CRYZL1: variants seen among roughly 807,000 people sequenced by gnomAD.
CRYZL1 encodes crystallin zeta like 1.
A neutral mutation model predicts 50.6 loss-of-function variants in CRYZL1; 34 were observed. That is an observed-to-expected ratio of 0.67 (90% confidence interval 0.51 to 0.89). The LOEUF is 0.89. Among genes scored for constraint, CRYZL1 ranks in the 40% least tolerant of loss-of-function variants. The pLI, the probability that CRYZL1 is intolerant of heterozygous loss-of-function variation, is 0.00. For synonymous variants in CRYZL1, 125 were observed against 134.3 expected, an observed-to-expected ratio of 0.93 and a Z score of 0.48; for missense variants, 354 against 402.3, an observed-to-expected ratio of 0.88 and a Z score of 1.03.
chr21:33,609,674 A>C (rs938342627), intron 6 of CRYZL1, among the ~76,000 whole-genome samples: 2 of 151,070 alleles, frequency 1.3e-5, no homozygotes, highest in Non-Finnish European at 2.9e-5. Flanking sequence ...GCCCATTCTT[A>C]AAGTCTTTCT....
intron 6 of CRYZL1, 98 bp from the exon 7 acceptor site, chr21:33,603,635 G>T: frequency 7.3e-7 from 1 of 1,369,338 alleles, no homozygotes; most frequent in South Asian, 1.3e-5. Flanking sequence ...CTATGGCCCT[G>T]GTCCAAGCCC....
chr21:33,617,882 G>T (rs1259283238), intron 4 of CRYZL1, among the ~76,000 whole-genome samples: 1 of 152,170 alleles, frequency 6.6e-6, no homozygotes, highest in Non-Finnish European at 1.5e-5. Context: ...TTCTTTGGAA[G>T]TAGAAATTGG....
chr21:33,605,110 T>A (rs569723716), intron 6 of CRYZL1, among the ~76,000 whole-genome samples: 4 of 152,252 alleles, frequency 2.6e-5, no homozygotes, highest in Non-Finnish European at 1.5e-5. Context: ...TCACTGGCCA[T>A]CTGGAATTCC....
intron 1 of CRYZL1, chr21:33,641,253 T>A: frequency 6.4e-7 from 1 of 1,550,588 alleles, no homozygotes; most frequent in South Asian, 1.2e-5. Context: ...ATACAGCGAA[T>A]AACTACTAAC....
intron 4 of CRYZL1, among the ~76,000 whole-genome samples, chr21:33,618,426 A>G (rs770098938): frequency 6.6e-6 from 1 of 152,316 alleles, no homozygotes; most frequent in African/African-American, 2.4e-5. Context: ...AAAAAACTCC[A>G]AATATTGTTG....
intron 6 of CRYZL1, among the ~76,000 whole-genome samples, chr21:33,609,083 C>T (rs1179667440): frequency 6.6e-6 from 1 of 152,166 alleles, no homozygotes; most frequent in Non-Finnish European, 1.5e-5. Context: ...TTTTAATTTG[C>T]ATTTCCCTAA....
intron 3 of CRYZL1, 109 bp from the exon 4 acceptor site, chr21:33,622,177 G>A: frequency 1.2e-6 from 1 of 853,442 alleles, no homozygotes; most frequent in Non-Finnish European, 1.9e-6. Flanking sequence ...GAGCAAATAT[G>A]GTTCAAGTTT....
At chr21:33,640,977 A>G (rs1436456050) in intron 1 of CRYZL1, among the ~76,000 whole-genome samples, 1 of 152,264 alleles carries the variant, frequency 6.6e-6, no homozygotes, top group Non-Finnish European at 1.5e-5. Context: ...CATATAATTA[A>G]AATTAATTTC....
chr21:33,612,790 A>G (rs1195950868), intron 6 of CRYZL1, among the ~76,000 whole-genome samples: 5 of 152,198 alleles, frequency 3.3e-5, no homozygotes, highest in Non-Finnish European at 5.9e-5. Context: ...TATTTCAGTT[A>G]AACTCAACAC....
intron 3 of CRYZL1, 146 bp from the exon 4 acceptor site, chr21:33,622,214 C>T: frequency 1.6e-6 from 1 of 644,446 alleles, no homozygotes; most frequent in Non-Finnish European, 2.7e-6. Context: ...CAAATAACTT[C>T]ACAAAATAGG....
chr21:33,638,298 C>T lies in CRYZL1; in HGVS notation c.-7+3383G>A, dbSNP rs573725470. On this transcript the variant is annotated intron_variant, in intron 1 of 12. Transcript: ENST00000381554. ...CATAATCTTGGCTCACTGCAACCTCCGCCTCCCGGCTTCAAGTGATTCTCC... is the reference window on the plus strand; with the variant it reads ...CATAATCTTGGCTCACTGCAACCTCTGCCTCCCGGCTTCAAGTGATTCTCC... Among the ~76,000 whole-genome samples the T allele has an allele frequency of 2.4e-4, 37 of 151,602 alleles. No homozygotes were observed. The South Asian group carries it at 4.2e-3, about 17-fold the overall frequency.
chr21:33,637,784 T>C lies in CRYZL1; in HGVS notation c.-7+3897A>G, dbSNP rs948066430. 1.2e-4 allele frequency among the ~76,000 whole-genome samples: 17 copies of C among 145,676 alleles called. No homozygotes were observed. In the South Asian group the frequency reaches 1.9e-3, roughly 17 times the overall value. ...ACATATATATATATATATATATATA[T>C]ATATACACACACACACACATATAAA... On this transcript the variant is annotated intron_variant, in intron 1 of 12. Coordinates refer to ENST00000381554, the MANE Select transcript of CRYZL1 (RefSeq NM_145858.3).
intron 4 of CRYZL1, among the ~76,000 whole-genome samples, chr21:33,619,780 C>G (rs1407395733): frequency 3.3e-5 from 5 of 152,162 alleles, no homozygotes; most frequent in African/African-American, 9.7e-5. Context: ...CTAGCAATAC[C>G]AAACTCTTTG....
chr21:33,636,515 T>C (rs557165225), intron 1 of CRYZL1, among the ~76,000 whole-genome samples: 113 of 152,314 alleles, frequency 7.4e-4, no homozygotes, highest in Middle Eastern at 3.4e-3. Flanking sequence ...ATGTTAGTAA[T>C]ACTATAAATT....
intron 1 of CRYZL1, among the ~76,000 whole-genome samples, chr21:33,636,088 C>T (rs2087203685): frequency 1.3e-5 from 2 of 151,956 alleles, no homozygotes; most frequent in Admixed American, 6.6e-5. Context: ...TTTACTATAC[C>T]AAAAAAGTAT....
intron 12 of CRYZL1, 85 bp downstream of exon 12, chr21:33,591,077 G>A (rs559428322): frequency 3.9e-5 from 37 of 949,134 alleles, no homozygotes; most frequent in Non-Finnish European, 1.9e-5. Context: ...CATGGCGAGA[G>A]CTAAAACAAA....
At chr21:33,608,348 G>A (rs766136283) in intron 6 of CRYZL1, among the ~76,000 whole-genome samples, 2 of 152,086 alleles carry the variant, frequency 1.3e-5, no homozygotes, top group African/African-American at 2.4e-5. Flanking sequence ...CCAGCTACTC[G>A]GGAGGCTGAG....
chr21:33,599,306 A>T (rs759828788), intron 8 of CRYZL1, 58 bp from the exon 9 acceptor site: 2 of 1,610,528 alleles, frequency 1.2e-6, no homozygotes, highest in Non-Finnish European at 1.7e-6. Context: ...AACACAAACA[A>T]ATCAGGGAAA....
Position 33,605,530 on chromosome 21 carries a change from C to CTTTTTTTT in CRYZL1, c.332-2001_332-1994dup, listed in dbSNP as rs146096008. On this transcript the variant is annotated intron_variant, in intron 6 of 12. Coordinates refer to ENST00000381554, the MANE Select transcript of CRYZL1 (RefSeq NM_145858.3). ...GTAATTTTTCCGCAGTACAAGAATT[C>CTTTTTTTT]TTTTTTTTTTGAGATGGAGTCTCAC... Among the ~76,000 whole-genome samples the CTTTTTTTT allele has an allele frequency of 5.6e-3, 299 of 53,204 alleles. 103 individuals carry two copies. Among genetic ancestry groups the CTTTTTTTT allele is most frequent in the African/African-American group, 0.011 (132 of 12,354 alleles). 34.9% of individuals were successfully genotyped at this position (53,204 alleles called of 152,430 possible).
Sources: gnomAD v4.1 joint callset for allele counts (sites outside exome capture counted in the v4.1 genomes callset) on GRCh38, gnomAD v4.1.1 for gene constraint, MANE v1.5 for transcripts, NCBI Gene and HGNC (gene_info 2026-07-23, HGNC 2026-07-21) for gene names.